TLE7: variants seen among roughly 807,000 people sequenced by gnomAD.
The protein encoded by TLE7 is transducin-like enhancer protein 7.
rs1485591357 is a variant in TLE7, at chr16:71,431,410, C to T, written c.993+11G>A. Reference sequence around the variant, plus strand: ...CAGGTGGCATTCTGCCAGTGGTGGCCAGCCGGGCACCTCATTCTGTAAGTT... The same window carrying T: ...CAGGTGGCATTCTGCCAGTGGTGGCTAGCCGGGCACCTCATTCTGTAAGTT... On this transcript the variant is annotated intron_variant, in intron 7 of 9. Coordinates refer to ENST00000561754, the MANE Select transcript of TLE7 (RefSeq NM_001367365.2). The surrounding 1 kb of genome is among the most constrained non-coding windows in gnomAD (Gnocchi z 4.5). 3 of 400,492 alleles carry T rather than the reference C, an allele frequency of 7.5e-6. No homozygotes were observed. The highest frequency in any genetic ancestry group is 8.8e-6 in the Non-Finnish European group (2 of 226,328). The allele number at this position is 400,492 out of a possible 1,614,324, so 24.8% of individuals were successfully genotyped here. A position where few individuals can be genotyped will look rare whatever the true frequency, so the allele number is the denominator to read the frequency against.
chr16:71,433,617 T>C (rs1260091344), intron 1 of TLE7, among the ~76,000 whole-genome samples, 197 bp from the exon 2 acceptor site: 3 of 152,216 alleles, frequency 2.0e-5, no homozygotes, highest in East Asian at 1.9e-4. Flanking sequence ...GTGCCAGGCA[T>C]TGTATTTTTC....
chr16:71,440,433 G>A (rs1356762297), intron 1 of TLE7, among the ~76,000 whole-genome samples: 4 of 152,106 alleles, frequency 2.6e-5, no homozygotes, highest in South Asian at 2.1e-4. Flanking sequence ...AACCGAAATC[G>A]GGCGACTGCA....
Position 71,431,334 on chromosome 16 carries a change from C to A in TLE7, c.994-60G>T. On this transcript the variant is annotated intron_variant, in intron 7 of 9. Transcript: ENST00000561754. This position sits in a 1 kb window ranked among gnomAD's most constrained non-coding sequence, Gnocchi z 4.5. ...AAGTTGCCAACGCCATCCTTTGTGC[C>A]CACCTCTCAAGCTCACACTCCCACC... 1 of 399,252 alleles carries A rather than the reference C, an allele frequency of 2.5e-6. No individual in the cohort carries two copies. Among genetic ancestry groups the A allele is most frequent in the African/African-American group, 2.1e-5 (1 of 48,756 alleles). The allele number at this position is 399,252 out of a possible 1,614,324, so 24.7% of individuals were successfully genotyped here. A position where few individuals can be genotyped will look rare whatever the true frequency, so the allele number is the denominator to read the frequency against.
At position 71,431,246 on chromosome 16, in the gene TLE7, T is replaced by C. The variant is rs558263345; in HGVS notation, c.1022A>G (p.Glu341Gly). 1.2e-5 allele frequency: 5 copies of C among 400,236 alleles called. No homozygotes were observed. The highest frequency in any genetic ancestry group is 1.3e-4 in the South Asian group (1 of 7,908). The allele number at this position is 400,236 out of a possible 1,614,324, so 24.8% of individuals were successfully genotyped here. Residue 341 changes from glutamate to glycine, a missense_variant, in exon 8 of 10, where the codon GAA becomes GGA. By Grantham distance (98) the Glu-to-Gly change is moderately conservative. Coordinates refer to ENST00000561754, the MANE Select transcript of TLE7 (RefSeq NM_001367365.2). The surrounding 1 kb of genome is among the most constrained non-coding windows in gnomAD (Gnocchi z 4.5). ...EILSITHDPG[E>G]EWVLAGLRTS... ...TCTCAGGCCCGCCAATACCCATTCT[T>C]CACCGGGGTCGTGGGTAATGCTGAG...
chr16:71,433,566 T>C (rs180992773), intron 1 of TLE7, 146 bp from the exon 2 acceptor site: 3 of 381,052 alleles, frequency 7.9e-6, no homozygotes, highest in Admixed American at 9.0e-5. Flanking sequence ...GCGGCAATGA[T>C]GTCAAGGGTG....
intron 8 of TLE7, 143 bp from the exon 9 acceptor site, chr16:71,430,884 C>T (rs143728173): frequency 2.5e-6 from 1 of 397,302 alleles, no homozygotes; most frequent in African/African-American, 2.1e-5. Context: ...AAGCCATTCC[C>T]TTATCTTCCC....
intron 1 of TLE7, among the ~76,000 whole-genome samples, chr16:71,440,153 T>C (rs866784401): frequency 2.4e-4 from 36 of 152,290 alleles, no homozygotes; most frequent in African/African-American, 7.0e-4. Flanking sequence ...AAAAGGCCAG[T>C]CCTTAGAGAC....
rs2042800896 is a variant in TLE7 at position 71,431,098 on chromosome 16, G to A, written c.1147+23C>T. 5.0e-6 allele frequency: 2 copies of A among 400,788 alleles called. No individual in the cohort carries two copies. The highest frequency in any genetic ancestry group is 8.8e-6 in the Non-Finnish European group (2 of 226,252). The allele number at this position is 400,788 out of a possible 1,614,324, so 24.8% of individuals were successfully genotyped here. A position where few individuals can be genotyped will look rare whatever the true frequency, so the allele number is the denominator to read the frequency against. On this transcript the variant is annotated intron_variant, in intron 8 of 9. Transcript: ENST00000561754. This position sits in a 1 kb window ranked among gnomAD's most constrained non-coding sequence, Gnocchi z 4.5. The stretch of plus-strand genomic sequence containing the variant: ...CAAGTTCAAAATCGGACACCCAGAG[G>A]TGTCACCTGGCTTCTCACTCACCAC...
chr16:71,436,351 C>T (rs922948546), intron 1 of TLE7, among the ~76,000 whole-genome samples: 3 of 152,166 alleles, frequency 2.0e-5, no homozygotes, highest in South Asian at 2.1e-4. Flanking sequence ...GTCAGAATCT[C>T]GGTCAGGTAT....
chr16:71,439,302 C>T (rs537908579), intron 1 of TLE7, among the ~76,000 whole-genome samples: 28 of 152,176 alleles, frequency 1.8e-4, no homozygotes, highest in East Asian at 7.7e-4. Context: ...AAGGACTCAG[C>T]GGGGGAAGCA....
chr16:71,439,442 G>A (rs2042838987), intron 1 of TLE7, among the ~76,000 whole-genome samples: 1 of 152,120 alleles, frequency 6.6e-6, no homozygotes, highest in Non-Finnish European at 1.5e-5. Context: ...GGCAGGGAGG[G>A]CAGGAATGTG....
intron 1 of TLE7, among the ~76,000 whole-genome samples, chr16:71,441,486 G>C (rs1296983157): frequency 6.6e-6 from 1 of 152,242 alleles, no homozygotes; most frequent in Non-Finnish European, 1.5e-5. Context: ...CCAGGACTCC[G>C]GCCGTGGGCA....
intron 1 of TLE7, among the ~76,000 whole-genome samples, chr16:71,440,311 A>C (rs1242380353): frequency 6.6e-6 from 1 of 152,150 alleles, no homozygotes; most frequent in African/African-American, 2.4e-5. Context: ...ACCTAATGCC[A>C]CGGAATTGTA....
intron 1 of TLE7, among the ~76,000 whole-genome samples, chr16:71,433,889 C>T (rs1008153391): frequency 5.9e-5 from 9 of 152,102 alleles, no homozygotes; most frequent in Non-Finnish European, 8.8e-5. Context: ...ACAGAGGAGG[C>T]GGAGGTTGCA....
At chr16:71,434,979 T>C (rs1057393425) in intron 1 of TLE7, among the ~76,000 whole-genome samples, 1 of 152,232 alleles carries the variant, frequency 6.6e-6, no homozygotes, top group African/African-American at 2.4e-5. Context: ...TTATAACCTT[T>C]GCAGAGCCAA....
In TLE7 at chr16:71,431,110, T is replaced by C. The variant is rs2042800916; in HGVS notation, c.1147+11A>G. 1 of 400,678 alleles carries C rather than the reference T, an allele frequency of 2.5e-6. No individual in the cohort carries two copies. The highest frequency in any genetic ancestry group is 2.1e-5 in the African/African-American group (1 of 48,708). 24.8% of individuals were successfully genotyped at this position (400,678 alleles called of 1,614,324 possible). A position where few individuals can be genotyped will look rare whatever the true frequency, so the allele number is the denominator to read the frequency against. ...CGGACACCCAGAGGTGTCACCTGGC[T>C]TCTCACTCACCACAGGAGGCAAACT... On this transcript the variant is annotated intron_variant, in intron 8 of 9. Transcript: ENST00000561754. This position sits in a 1 kb window ranked among gnomAD's most constrained non-coding sequence, Gnocchi z 4.5.
chr16:71,430,659 G>A lies in TLE7; in HGVS notation c.1221+9C>T. On this transcript the variant is annotated intron_variant, in intron 9 of 9. Transcript: ENST00000561754. The stretch of plus-strand genomic sequence containing the variant: ...TGCCTGGGTTCGGGCATCCCTCTGT[G>A]TCCAGTACCTGAAACAACTTTTGCA... The A allele has an allele frequency of 2.5e-6, 1 of 398,588 alleles. No homozygotes were observed. The highest frequency in any genetic ancestry group is 3.6e-5 in the East Asian group (1 of 28,070). 24.7% of individuals were successfully genotyped at this position (398,588 alleles called of 1,614,324 possible).
In TLE7 at chr16:71,437,397, G is replaced by A. The variant is rs2042830517; in HGVS notation, c.-96-3977C>T. Among the ~76,000 whole-genome samples the A allele has an allele frequency of 2.7e-5, 4 of 148,634 alleles. 1 individual carries two copies. Among genetic ancestry groups the A allele is most frequent in the Admixed American group, 6.7e-5 (1 of 14,904 alleles). On this transcript the variant is annotated intron_variant, in intron 1 of 9. Coordinates refer to ENST00000561754, the MANE Select transcript of TLE7 (RefSeq NM_001367365.2). Reference sequence around the variant, plus strand: ...AAGAAAGGGAGGGAGGAGAGAGAGAGAGAAGAGAAGAAAAGAAAGGAAGGA... The same window carrying A: ...AAGAAAGGGAGGGAGGAGAGAGAGAAAGAAGAGAAGAAAAGAAAGGAAGGA...
At position 71,430,670 on chromosome 16, in the gene TLE7, G is replaced by T; in HGVS notation, c.1219C>A (p.Gln407Lys). 1 of 398,558 alleles carries T rather than the reference G, an allele frequency of 2.5e-6. No individual in the cohort carries two copies. Among genetic ancestry groups the T allele is most frequent in the Non-Finnish European group, 4.4e-6 (1 of 226,074 alleles). The allele number at this position is 398,558 out of a possible 1,614,324, so 24.7% of individuals were successfully genotyped here. A position where few individuals can be genotyped will look rare whatever the true frequency, so the allele number is the denominator to read the frequency against. ...GGGCATCCCTCTGTGTCCAGTACCT[G>T]AAACAACTTTTGCAGAGAAGGTGCC... Reference protein sequence around the residue: ...LEAPSLQKLFQIEESSGILCC... With the variant: ...LEAPSLQKLFKIEESSGILCC... Residue 407 changes from glutamine (Q) to lysine (K), a missense_variant and splice_region_variant, in exon 9 of 10, where the codon CAG becomes AAG. Coordinates refer to ENST00000561754, the MANE Select transcript of TLE7 (RefSeq NM_001367365.2).
Sources: gnomAD v4.1 joint callset for allele counts (sites outside exome capture counted in the v4.1 genomes callset) on GRCh38, gnomAD v4.1.1 for gene constraint, Gnocchi (gnomAD v3.1) non-coding constraint, MANE v1.5 for transcripts, NCBI Gene and HGNC (gene_info 2026-07-23, HGNC 2026-07-21) for gene names.